The following COX16 variants were observed in gnomAD, a reference collection of about 807,000 sequenced individuals.
COX16 encodes cytochrome c oxidase assembly factor COX16.
COX16 carries 12 observed loss-of-function variants against 15.4 expected under a neutral mutation model. The observed-to-expected ratio is 0.78, with a 90% CI of 0.50 to 1.26. COX16 has a LOEUF of 1.26. Among genes scored for constraint, COX16 ranks in the 50% most tolerant of loss-of-function variants. The pLI is 0.00. For synonymous variants in COX16, 46 were observed against 41.1 expected (o/e 1.12, Z -0.46); for missense variants, 124 against 127.6 (o/e 0.97, Z 0.14).
intron 1 of COX16, among the ~76,000 whole-genome samples, chr14:70,352,583 ACATTATTT>A (rs982236056): frequency 3.8e-5 from 4 of 105,382 alleles, no homozygotes; most frequent in Non-Finnish European, 6.8e-5. Context: ...CATATTACAT[ACATTATTT>A]ATGTGCACTA....
At chr14:70,351,473 C>A (rs1202751738) in intron 1 of COX16, among the ~76,000 whole-genome samples, 2 of 152,142 alleles carry the variant, frequency 1.3e-5, no homozygotes, top group Non-Finnish European at 2.9e-5. Context: ...AAAAGGGTAA[C>A]CTTCCTCTCT....
intron 1 of COX16, among the ~76,000 whole-genome samples, chr14:70,347,401 C>T (rs1473870152): frequency 6.6e-6 from 1 of 152,114 alleles, no homozygotes; most frequent in Admixed American, 6.5e-5. Context: ...ATGCTTTTTT[C>T]CACAATTCCT....
At chr14:70,340,720 GAGTT>G (rs1232540117) in intron 2 of COX16, among the ~76,000 whole-genome samples, 1 of 152,116 alleles carries the variant, frequency 6.6e-6, no homozygotes, top group Admixed American at 6.5e-5. Context: ...CACTGCCAGA[GAGTT>G]AGTTCTAAAA....
At chr14:70,340,905 C>A (rs1412164288) in intron 2 of COX16, among the ~76,000 whole-genome samples, 1 of 152,178 alleles carries the variant, frequency 6.6e-6, no homozygotes, top group South Asian at 2.1e-4. Flanking sequence ...TCTCCTTGAA[C>A]GTCTAGTAAT....
At chr14:70,329,756 G>T (rs894233238) in intron 2 of COX16, among the ~76,000 whole-genome samples, 4 of 142,412 alleles carry the variant, frequency 2.8e-5, no homozygotes, top group Admixed American at 2.8e-4. Context: ...GAGGTAAAAA[G>T]GAGCTAATGC....
intron 2 of COX16, among the ~76,000 whole-genome samples, chr14:70,335,197 T>C (rs1886413371): frequency 6.6e-6 from 1 of 152,096 alleles, no homozygotes. Flanking sequence ...CACCCAGATA[T>C]ACAAAGCAAA....
intron 1 of COX16, among the ~76,000 whole-genome samples, chr14:70,345,254 T>C (rs922103442): frequency 1.2e-4 from 19 of 152,248 alleles, no homozygotes; most frequent in Non-Finnish European, 2.5e-4. Flanking sequence ...TTAGTTTCTC[T>C]GGTCCGAATA....
At chr14:70,356,658 T>C (rs748866785) in intron 1 of COX16, among the ~76,000 whole-genome samples, 3 of 151,788 alleles carry the variant, frequency 2.0e-5, no homozygotes, top group Admixed American at 6.6e-5. Context: ...TTGAAACAAA[T>C]GGAAAATTAG....
chr14:70,356,236 G>T lies in COX16; in HGVS notation c.69+3283C>A, dbSNP rs1887122014. 2.0e-5 allele frequency among the ~76,000 whole-genome samples: 3 copies of T among 151,488 alleles called. No individual in the cohort carries two copies. In the South Asian group the frequency reaches 6.3e-4, roughly 32 times the overall value. Reference sequence around the variant, plus strand: ...GGTGGGGGGTGGGATGGCAGTTTGGGGATGAAACTGTTCCACTTTAGATCA... The same window carrying T: ...GGTGGGGGGTGGGATGGCAGTTTGGTGATGAAACTGTTCCACTTTAGATCA... On this transcript the variant is annotated intron_variant, in intron 1 of 3. Coordinates refer to ENST00000389912, the MANE Select transcript of COX16 (RefSeq NM_016468.7).
chr14:70,334,713 C>G (rs1260156983), intron 2 of COX16, among the ~76,000 whole-genome samples: 1 of 151,954 alleles, frequency 6.6e-6, no homozygotes, highest in Non-Finnish European at 1.5e-5. Flanking sequence ...GTAACAGATA[C>G]ACTAAAAATA....
chr14:70,350,654 A>G (rs1266914424), intron 1 of COX16, among the ~76,000 whole-genome samples: 1 of 152,048 alleles, frequency 6.6e-6, no homozygotes, highest in Non-Finnish European at 1.5e-5. Context: ...TCCAACTTAC[A>G]CCTAACTATA....
chr14:70,347,059 C>T (rs1332780922), intron 1 of COX16, among the ~76,000 whole-genome samples: 2 of 152,044 alleles, frequency 1.3e-5, no homozygotes, highest in African/African-American at 2.4e-5. Flanking sequence ...CACCTTCAGT[C>T]GCAAAACACC....
intron 1 of COX16, among the ~76,000 whole-genome samples, chr14:70,357,495 C>T (rs951429871): frequency 5.3e-5 from 8 of 152,106 alleles, no homozygotes; most frequent in African/African-American, 1.9e-4. Context: ...CAGAGCCTCT[C>T]GACAAAGACT....
chr14:70,340,297 TAA>T (rs1158753095), intron 2 of COX16, among the ~76,000 whole-genome samples: 1 of 152,200 alleles, frequency 6.6e-6, no homozygotes, highest in Non-Finnish European at 1.5e-5. Context: ...CTGCCATGAC[TAA>T]GTTTCCTGAG....
At chr14:70,331,776 GTACATGTACAGGAGAAAAGCATAC>G in intron 2 of COX16, among the ~76,000 whole-genome samples, 1 of 12,708 alleles carries the variant, frequency 7.9e-5, no homozygotes, top group Non-Finnish European at 1.9e-4. Flanking sequence ...ATTCCTTTTT[GTACATGTACAGGAGAAAAGCATAC>G]AAGAATGGGA....
intron 1 of COX16, among the ~76,000 whole-genome samples, chr14:70,357,773 T>A (rs963764645): frequency 6.6e-6 from 1 of 152,142 alleles, no homozygotes; most frequent in Non-Finnish European, 1.5e-5. Context: ...TGTGGAGAAA[T>A]TGAAAATCAT....
intron 1 of COX16, among the ~76,000 whole-genome samples, chr14:70,343,059 CA>C (rs200211776): frequency 0.071 from 10,772 of 152,146 alleles, 439 homozygotes; most frequent in Middle Eastern, 0.12. Flanking sequence ...AAAACAAAAA[CA>C]AAAACAAATT....
At position 70,342,653 on chromosome 14, in the gene COX16, C is replaced by T; in HGVS notation, c.141+5G>A. The T allele has an allele frequency of 6.2e-7, 1 of 1,609,008 alleles. No homozygotes were observed. Among genetic ancestry groups the T allele is most frequent in the Non-Finnish European group, 8.5e-7 (1 of 1,178,766 alleles). On this transcript the variant is annotated splice_donor_5th_base_variant and intron_variant, in intron 2 of 3. Coordinates refer to ENST00000389912, the MANE Select transcript of COX16 (RefSeq NM_016468.7). ...CACATGTCAAACTCTAATTATATTTCTTACTTTACTCTTCACAGCATCATA... is the reference window on the plus strand; with the variant it reads ...CACATGTCAAACTCTAATTATATTTTTTACTTTACTCTTCACAGCATCATA...
chr14:70,349,450 G>A (rs1471928026), intron 1 of COX16, among the ~76,000 whole-genome samples: 1 of 152,012 alleles, frequency 6.6e-6, no homozygotes, highest in African/African-American at 2.4e-5. Flanking sequence ...TCCCCATTTC[G>A]GCCTCCCAAC....
Sources: allele counts gnomAD v4.1 joint callset (sites outside exome capture counted in the v4.1 genomes callset), GRCh38; gene constraint gnomAD v4.1.1; transcripts MANE v1.5; gene names NCBI Gene and HGNC (gene_info 2026-07-23, HGNC 2026-07-21).